DOCK5: variants seen among roughly 807,000 people sequenced by gnomAD.
The protein encoded by DOCK5 is dedicator of cytokinesis 5, also known as dedicator of cytokinesis protein 5.
DOCK5 carries 142 observed loss-of-function variants against 251.8 expected under a neutral mutation model. That is an observed-to-expected ratio of 0.56 (90% confidence interval 0.49 to 0.65). The LOEUF is 0.65. Among genes scored for constraint, DOCK5 ranks in the 30% least tolerant of loss-of-function variants. The pLI is 0.00. For missense variants in DOCK5, 2,111 were observed against 2,312.3 expected (o/e 0.91, Z 1.79); for synonymous variants, 842 against 835.5 (o/e 1.01, Z -0.13).
chr8:25,257,206 A>T (rs927687470), intron 2 of DOCK5, among the ~76,000 whole-genome samples: 1 of 152,176 alleles, frequency 6.6e-6, no homozygotes, highest in Admixed American at 6.5e-5. Context: ...TTGGTCCCTG[A>T]ACTGTGCCAT....
chr8:25,237,423 C>T (rs1283800030), intron 1 of DOCK5, among the ~76,000 whole-genome samples: 2 of 152,128 alleles, frequency 1.3e-5, no homozygotes, highest in African/African-American at 2.4e-5. Context: ...TTCTAGCCTA[C>T]AGACTTTTCA....
At chr8:25,394,347 G>T (rs1257305427) in intron 44 of DOCK5, among the ~76,000 whole-genome samples, 1 of 151,154 alleles carries the variant, frequency 6.6e-6, no homozygotes, top group Non-Finnish European at 1.5e-5. Context: ...TGAAGAAGGA[G>T]ATACTTTTTT....
intron 41 of DOCK5, among the ~76,000 whole-genome samples, chr8:25,389,913 A>G (rs1215881930): frequency 1.3e-5 from 2 of 151,872 alleles, no homozygotes; most frequent in Non-Finnish European, 2.9e-5. Context: ...ATCCATTTCT[A>G]AGTACCTATT....
chr8:25,388,501 T>A (rs1801202689), intron 40 of DOCK5, among the ~76,000 whole-genome samples: 1 of 152,176 alleles, frequency 6.6e-6, no homozygotes, highest in African/African-American at 2.4e-5. Flanking sequence ...GAAAATAGTA[T>A]TTAATGCAGT....
In DOCK5 at chr8:25,268,879, TA is replaced by T; in HGVS notation, c.167del (p.Lys56ArgfsTer11). On this transcript the variant is annotated frameshift_variant, in exon 3 of 52. Coordinates refer to ENST00000276440, the MANE Select transcript of DOCK5 (RefSeq NM_024940.8). LOFTEE classifies it high-confidence loss of function. Reference protein sequence around the residue: ...YRGYTLQNKSKKGIFPETYIH... With the variant: ...YRGYTLQNKSXKGIFPETYIH... ...GAGGATATACCCTCCAAAATAAATC[TA>T]AAAAGGTATGACTTATCATTCACTT... 2 of 1,560,990 alleles carry T rather than the reference TA, an allele frequency of 1.3e-6. No individual in the cohort carries two copies. The highest frequency in any genetic ancestry group is 8.6e-7 in the Non-Finnish European group (1 of 1,157,130).
chr8:25,363,030 T>C lies in DOCK5; in HGVS notation c.2950-17T>C. ...CGTAACCCAGTTTTCCCCCAACCACTCCTCTGTTCTCCGCAGGACTTCCTC... is the reference window on the plus strand; with the variant it reads ...CGTAACCCAGTTTTCCCCCAACCACCCCTCTGTTCTCCGCAGGACTTCCTC... On this transcript the variant is annotated splice_polypyrimidine_tract_variant and intron_variant, in intron 28 of 51. Transcript: ENST00000276440. 8 of 1,607,420 alleles carry C rather than the reference T, an allele frequency of 5.0e-6. No individual in the cohort carries two copies. Among genetic ancestry groups the C allele is most frequent in the Non-Finnish European group, 6.8e-6 (8 of 1,174,138 alleles).
In DOCK5 at chr8:25,336,087, A is replaced by T. The variant is rs147802237; in HGVS notation, c.2193-152A>T. ...AGATGAGGAAACTTAATTGGAAAAG[A>T]GTTAATTTTGCTGTTCAGGGCATAT... On this transcript the variant is annotated intron_variant, in intron 21 of 51. Transcript: ENST00000276440. 5.2e-3 allele frequency among the ~76,000 whole-genome samples: 798 copies of T among 152,332 alleles called. 5 individuals carry two copies. The highest frequency in any genetic ancestry group is 0.018 in the African/African-American group (748 of 41,564).
chr8:25,310,681 A>T (rs188579294), intron 13 of DOCK5, 149 bp downstream of exon 13: 1 of 849,830 alleles, frequency 1.2e-6, no homozygotes, highest in Non-Finnish European at 1.7e-6. Flanking sequence ...GACACCTGCA[A>T]TACTTAAACA....
Position 25,292,056 on chromosome 8 carries a change from GC to G in DOCK5, c.355del (p.Gln119ArgfsTer2). ...AGCTCACCCTCTTCCGCCAGCTGCAGCAGATGACGTACAGCCTGATCGAGTG... is the reference window on the plus strand; with the variant it reads ...AGCTCACCCTCTTCCGCCAGCTGCAGAGATGACGTACAGCCTGATCGAGTG... ...NKLTLFRQLQ[Q>X]MTYSLIEWRS... On this transcript the variant is annotated frameshift_variant, in exon 6 of 52. Transcript: ENST00000276440. LOFTEE classifies it high-confidence loss of function. 1 of 1,602,770 alleles carries G rather than the reference GC, an allele frequency of 6.2e-7. No individual in the cohort carries two copies. Among genetic ancestry groups the G allele is most frequent in the Non-Finnish European group, 8.5e-7 (1 of 1,174,644 alleles).
intron 27 of DOCK5, among the ~76,000 whole-genome samples, chr8:25,354,068 A>T (rs13261731): frequency 0.041 from 5,982 of 144,568 alleles, 208 homozygotes; most frequent in South Asian, 0.11. Context: ...AAAAAAACGT[A>T]GGAGAGAAAA....
intron 2 of DOCK5, among the ~76,000 whole-genome samples, chr8:25,260,316 C>T (rs181192768): frequency 9.2e-5 from 14 of 152,286 alleles, no homozygotes; most frequent in Non-Finnish European, 1.6e-4. Context: ...GGAAAAACAA[C>T]AGGATTTAGC....
chr8:25,389,315 A>G (rs954425276), intron 41 of DOCK5, 83 bp downstream of exon 41: 3 of 1,517,006 alleles, frequency 2.0e-6, no homozygotes, highest in Non-Finnish European at 2.7e-6. Context: ...TAGGAGCTAC[A>G]GTCCCTTCTC....
intron 44 of DOCK5, among the ~76,000 whole-genome samples, chr8:25,393,358 C>T (rs1801293666): frequency 6.6e-6 from 1 of 152,192 alleles, no homozygotes; most frequent in African/African-American, 2.4e-5. Flanking sequence ...GCCTCCCTGC[C>T]ATGCATGGCC....
chr8:25,361,460 A>C (rs1586362200), intron 28 of DOCK5, among the ~76,000 whole-genome samples: 1 of 151,944 alleles, frequency 6.6e-6, no homozygotes, highest in East Asian at 1.9e-4. Flanking sequence ...AAATACAAAA[A>C]ATAATTACCC....
chr8:25,276,781 A>G (rs1463997379), intron 4 of DOCK5, among the ~76,000 whole-genome samples: 1 of 152,240 alleles, frequency 6.6e-6, no homozygotes, highest in Non-Finnish European at 1.5e-5. Flanking sequence ...ATGTCACGGT[A>G]TAGATCTGTT....
intron 6 of DOCK5, among the ~76,000 whole-genome samples, chr8:25,294,052 C>T (rs1489464972): frequency 6.6e-6 from 1 of 152,132 alleles, no homozygotes; most frequent in Non-Finnish European, 1.5e-5. Flanking sequence ...GATAAGGAAA[C>T]TCCATTGCAC....
chr8:25,194,071 A>C (rs1801654386), intron 1 of DOCK5, among the ~76,000 whole-genome samples: 2 of 151,166 alleles, frequency 1.3e-5, no homozygotes, highest in African/African-American at 4.9e-5. Flanking sequence ...GTATCACCTG[A>C]GGTCAGAAGT....
chr8:25,314,092 G>A (rs544357938), intron 13 of DOCK5, among the ~76,000 whole-genome samples: 28 of 144,276 alleles, frequency 1.9e-4, no homozygotes, highest in Middle Eastern at 3.7e-3. Flanking sequence ...GCTATTTCCT[G>A]CCTCAGGACT....
chr8:25,274,688 AT>A (rs2117123866), intron 3 of DOCK5, among the ~76,000 whole-genome samples: 1 of 152,308 alleles, frequency 6.6e-6, no homozygotes, highest in East Asian at 1.9e-4. Context: ...ACACCCGTTG[AT>A]TTTGAGTGCA....
Sources: gnomAD v4.1 joint callset for allele counts (sites outside exome capture counted in the v4.1 genomes callset) on GRCh38, gnomAD v4.1.1 for gene constraint, MANE v1.5 for transcripts, NCBI Gene and HGNC (gene_info 2026-07-23, HGNC 2026-07-21) for gene names.